The following ZNF765 variants were observed in gnomAD, a reference collection of about 807,000 sequenced individuals.
ZNF765 encodes the protein zinc finger protein 765.
A neutral mutation model predicts 44.7 loss-of-function variants in ZNF765; 37 were observed. The ratio of observed to expected loss-of-function variants is 0.83; its 90% CI spans 0.64 to 1.09. The LOEUF is 1.09. Ranked by LOEUF, ZNF765 falls within the 50% of genes least tolerant of loss-of-function variation. ZNF765 has a pLI of 0.00. For missense variants in ZNF765, 594 were observed against 626.1 expected, an observed-to-expected ratio of 0.95 and a Z score of 0.55; for synonymous variants, 201 against 213.7, an observed-to-expected ratio of 0.94 and a Z score of 0.52.
chr19:53,406,086 A>AT (rs1568779225), intron 3 of ZNF765, among the ~76,000 whole-genome samples: 3 of 141,398 alleles, frequency 2.1e-5, no homozygotes, highest in African/African-American at 8.0e-5. Context: ...TGGAGTGCAC[A>AT]GGTGCAATCT....
At chr19:53,398,102 T>C in intron 2 of ZNF765, 72 bp downstream of exon 2, 4 of 1,612,028 alleles carry the variant, frequency 2.5e-6, no homozygotes, top group Non-Finnish European at 2.5e-6. Context: ...GTTTGGAATC[T>C]TCTCTGAGTC....
rs902252828 is a variant in ZNF765, at chr19:53,400,895, C to T, written c.16-1170C>T. On this transcript the variant is annotated intron_variant, in intron 2 of 3. Coordinates refer to ENST00000396408, the MANE Select transcript of ZNF765 (RefSeq NM_001040185.3). ...TTGCCCAGGCTGGAGCACAGTGGCA[C>T]GATCTTAGCTCACTGAAACCTCCAC... is the stretch of plus-strand genomic sequence containing the variant. Among the ~76,000 whole-genome samples, 18 of 151,872 alleles carry T rather than the reference C, an allele frequency of 1.2e-4. No individual in the cohort carries two copies. The Middle Eastern group carries it at 0.01, about 86-fold the overall frequency.
At position 53,410,942 on chromosome 19, in the gene ZNF765, C is replaced by T. The variant is rs1482138206; in HGVS notation, c.*1815C>T. 4 of 413,066 alleles carry T rather than the reference C, an allele frequency of 9.7e-6. No individual in the cohort carries two copies. The highest frequency in any genetic ancestry group is 2.1e-5 in the African/African-American group (1 of 48,126). 25.6% of individuals were successfully genotyped at this position (413,066 alleles called of 1,614,324 possible). A position where few individuals can be genotyped will look rare whatever the true frequency, so the allele number is the denominator to read the frequency against. On this transcript the variant is annotated 3_prime_UTR_variant, in exon 4 of 4. Transcript: ENST00000396408. ...AATCTTATAAATGTCATCAGTGTGCCAAAGTCTTCAGTCTGAGCTCACTCC... is the reference window on the plus strand; with the variant it reads ...AATCTTATAAATGTCATCAGTGTGCTAAAGTCTTCAGTCTGAGCTCACTCC...
intron 3 of ZNF765, among the ~76,000 whole-genome samples, chr19:53,422,035 T>C (rs2085910674): frequency 6.6e-6 from 1 of 152,162 alleles, no homozygotes; most frequent in South Asian, 2.1e-4. Flanking sequence ...AATTTTATAC[T>C]CCAATCAGTG....
At chr19:53,418,197 C>G (rs113786884) in intron 3 of ZNF765, among the ~76,000 whole-genome samples, 2 of 152,080 alleles carry the variant, frequency 1.3e-5, no homozygotes, top group Admixed American at 6.6e-5. Flanking sequence ...GTCAGGAGAT[C>G]GAGACCATCC....
Position 53,409,340 on chromosome 19 carries a change from T to C in ZNF765, c.*213T>C. The stretch of plus-strand genomic sequence containing the variant: ...GTCATACGTCATCTTTTGTGTACCA[T>C]CATAAACTTCATAGTGGAGAGACCT... On this transcript the variant is annotated 3_prime_UTR_variant, in exon 4 of 4. Transcript: ENST00000396408. The C allele has an allele frequency of 1.2e-6, 1 of 841,740 alleles. No individual in the cohort carries two copies. Among genetic ancestry groups the C allele is most frequent in the Non-Finnish European group, 2.1e-6 (1 of 485,808 alleles). The allele number at this position is 841,740 out of a possible 1,614,324, so 52.1% of individuals were successfully genotyped here.
exon 4 of ZNF765, chr19:53,426,126 G>A (rs2085937990): frequency 6.5e-6 from 1 of 153,130 alleles, no homozygotes. Flanking sequence ...GTGGGGCTGG[G>A]AGAAGCCCCC....
At chr19:53,395,849 G>C (rs1204926151) in intron 1 of ZNF765, among the ~76,000 whole-genome samples, 1 of 152,150 alleles carries the variant, frequency 6.6e-6, no homozygotes, top group Non-Finnish European at 1.5e-5. Flanking sequence ...CTTATCCAAA[G>C]CCTCCGGTGC....
intron 2 of ZNF765, among the ~76,000 whole-genome samples, chr19:53,400,593 C>T (rs1440092142): frequency 6.6e-6 from 1 of 151,988 alleles, no homozygotes; most frequent in Non-Finnish European, 1.5e-5. Context: ...TATGTATACA[C>T]ACCCACACAC....
chr19:53,426,000 T>G (rs2085936932), exon 4 of ZNF765: 1 of 152,252 alleles, frequency 6.6e-6, no homozygotes, highest in South Asian at 2.1e-4. Flanking sequence ...TATTACAATC[T>G]CTCATCTCCG....
At chr19:53,399,085 T>C (rs2085697544) in intron 2 of ZNF765, among the ~76,000 whole-genome samples, 2 of 151,776 alleles carry the variant, frequency 1.3e-5, no homozygotes, top group Admixed American at 1.3e-4. Context: ...TTTTTCTTTT[T>C]TTTAAAATTA....
At chr19:53,420,337 T>C (rs1366078890) in intron 3 of ZNF765, among the ~76,000 whole-genome samples, 1 of 152,088 alleles carries the variant, frequency 6.6e-6, no homozygotes, top group East Asian at 1.9e-4. Flanking sequence ...TCTCAAAAAA[T>C]AAAATATAAA....
chr19:53,401,828 A>T, intron 2 of ZNF765: 2 of 1,041,796 alleles, frequency 1.9e-6, no homozygotes, highest in South Asian at 1.3e-5. Context: ...TTGAGCAGAG[A>T]CTGTGCCATT....
chr19:53,402,140 A>C lies in ZNF765; in HGVS notation c.91A>C (p.Thr31Pro), dbSNP rs368750281. Residue 31 changes from threonine (T) to proline (P), a missense_variant, in exon 3 of 4, where the codon ACT becomes CCT. Physicochemically the swap from Thr to Pro is conservative, Grantham distance 38. Transcript: ENST00000396408. ...GAAATGCCTGGACCCTGCTCAGAGG[A>C]CTCTATACAGGGACGTGATGCTGGA... Reference protein sequence around the residue: ...EWKCLDPAQRTLYRDVMLENY... With the variant: ...EWKCLDPAQRPLYRDVMLENY... 2 of 1,612,466 alleles carry C rather than the reference A, an allele frequency of 1.2e-6. No individual in the cohort carries two copies. Among genetic ancestry groups the C allele is most frequent in the Non-Finnish European group, 1.7e-6 (2 of 1,179,810 alleles).
chr19:53,407,312 C>T (rs1410016500), intron 3 of ZNF765, among the ~76,000 whole-genome samples: 1 of 152,156 alleles, frequency 6.6e-6, no homozygotes, highest in Non-Finnish European at 1.5e-5. Flanking sequence ...ATCATGTGGT[C>T]CTTTAGCATC....
At chr19:53,418,819 C>T (rs969991425) in intron 3 of ZNF765, among the ~76,000 whole-genome samples, 3 of 148,424 alleles carry the variant, frequency 2.0e-5, no homozygotes, top group African/African-American at 7.4e-5. Context: ...ACAGGAGAAT[C>T]GCTAGAACCT....
chr19:53,401,153 A>G (rs1600050009), intron 2 of ZNF765, among the ~76,000 whole-genome samples: 1 of 152,128 alleles, frequency 6.6e-6, no homozygotes. Context: ...GGCATGTGCC[A>G]CTGCACCCAG....
intron 2 of ZNF765, among the ~76,000 whole-genome samples, chr19:53,400,540 A>C (rs1021997037): frequency 4.6e-5 from 7 of 152,072 alleles, no homozygotes; most frequent in African/African-American, 1.7e-4. Context: ...ATTCCTCTTC[A>C]GTTCAACAAA....
At chr19:53,397,842 C>T (rs1275982309) in intron 1 of ZNF765, 101 bp from the exon 2 acceptor site, 152 of 1,198,436 alleles carry the variant, frequency 1.3e-4, no homozygotes, top group Middle Eastern at 4.3e-4. Flanking sequence ...GCATAGGGGA[C>T]CGTATGTCCT....
Sources: allele counts gnomAD v4.1 joint callset (sites outside exome capture counted in the v4.1 genomes callset), GRCh38; gene constraint gnomAD v4.1.1; transcripts MANE v1.5; gene names NCBI Gene and HGNC (gene_info 2026-07-23, HGNC 2026-07-21).